ADGRF5: variants seen among roughly 807,000 people sequenced by gnomAD.
ADGRF5 encodes the protein G-protein coupled receptor 116.
In ADGRF5, 75 loss-of-function variants were observed where a neutral mutation model predicts 132.3. That is an observed-to-expected ratio of 0.57 (90% CI 0.47 to 0.69). The LOEUF (loss-of-function observed/expected upper bound fraction) is 0.69. Among genes scored for constraint, ADGRF5 ranks in the 30% least tolerant of loss-of-function variants. The pLI is 0.00. For synonymous variants in ADGRF5, 629 were observed against 597.6 expected (o/e 1.05, Z -0.77); for missense variants, 1,516 against 1,630.6 (o/e 0.93, Z 1.21).
At chr6:46,866,281 T>A (rs1226149781) in intron 13 of ADGRF5, among the ~76,000 whole-genome samples, 1 of 146,738 alleles carries the variant, frequency 6.8e-6, no homozygotes, top group African/African-American at 2.5e-5. Flanking sequence ...AGGTCTCAAC[T>A]CTGGCAGATG....
rs113672203 is a variant in ADGRF5, at chr6:46,859,056, G to T, written c.2847C>A (p.Gly949=). 4 of 1,614,068 alleles carry T rather than the reference G, an allele frequency of 2.5e-6. No individual in the cohort carries two copies. The highest frequency in any genetic ancestry group is 1.1e-5 in the South Asian group (1 of 91,076). The change falls in exon 17 of 21, where the codon GGC becomes GGA. Residue 949 remains glycine (G), a synonymous_variant. Transcript: ENST00000283296. The part of the protein sequence containing the change: ...SMTFKNNSPS[G]GETKCVFWNF... ...TCCAGAAGACACACTTCGTTTCGCC[G>T]CCTGAAGGGCTATTGTTCTTAAAAG...
chr6:46,906,026 G>T (rs1294586802), intron 2 of ADGRF5, among the ~76,000 whole-genome samples: 1 of 152,144 alleles, frequency 6.6e-6, no homozygotes, highest in African/African-American at 2.4e-5. Context: ...TCTGGTGCAG[G>T]GAGAAGCTAA....
chr6:46,877,303 C>CCTTCCTTCCTTCCT lies in ADGRF5; in HGVS notation c.1240+898_1240+899insAGGAAGGAAGGAAG, dbSNP rs1388865911. On this transcript the variant is annotated intron_variant, in intron 10 of 20. Transcript: ENST00000283296. ...TCTTTCTTTCTTTCTCTCTCTCTCT[C>CCTTCCTTCCTTCCT]TCTTTCCTTCCTTCCTTCCTTCTTT... Among the ~76,000 whole-genome samples the CCTTCCTTCCTTCCT allele has an allele frequency of 5.7e-4, 40 of 70,244 alleles. 1 individual carries two copies. The highest frequency in any genetic ancestry group is 2.1e-3 in the African/African-American group (37 of 17,346). 46.1% of individuals were successfully genotyped at this position (70,244 alleles called of 152,430 possible).
intron 12 of ADGRF5, among the ~76,000 whole-genome samples, chr6:46,867,702 T>C (rs1160433729): frequency 6.6e-6 from 1 of 152,174 alleles, no homozygotes; most frequent in Non-Finnish European, 1.5e-5. Flanking sequence ...TTCTTTACAT[T>C]GCTTCCCTTT....
At chr6:46,888,994 C>T (rs1481604776) in intron 3 of ADGRF5, among the ~76,000 whole-genome samples, 1 of 151,978 alleles carries the variant, frequency 6.6e-6, no homozygotes, top group Non-Finnish European at 1.5e-5. Context: ...GAACTGGACA[C>T]TGCTTTTGTT....
Position 46,882,092 on chromosome 6 carries a change from C to T in ADGRF5, c.628G>A (p.Gly210Arg), listed in dbSNP as rs147874364. ...ACGCCCTTGAAGCCTGGTAAAATTCCGTAACCCTTCCGGAACTGAAAAATA... is the reference window on the plus strand; with the variant it reads ...ACGCCCTTGAAGCCTGGTAAAATTCTGTAACCCTTCCGGAACTGAAAAATA... The part of the protein sequence containing the change: ...DLETAFRKGY[G>R]ILPGFKGVTV... The change falls in exon 7 of 21, where the codon GGA becomes AGA. Residue 210 changes from glycine to arginine, a missense_variant. Gly to Arg is a moderately radical substitution (Grantham distance 125). This residue lies in a region of ADGRF5 where 945 missense variants were observed against 929.4 expected (regional missense o/e 1.02). Transcript: ENST00000283296. The T allele has an allele frequency of 4.8e-4, 769 of 1,610,806 alleles. 4 individuals carry two copies. The African/African-American group carries it at 9.1e-3, about 19-fold the overall frequency.
At chr6:46,896,698 A>T (rs924233128) in intron 3 of ADGRF5, among the ~76,000 whole-genome samples, 6 of 151,772 alleles carry the variant, frequency 4.0e-5, no homozygotes, top group African/African-American at 1.5e-4. Flanking sequence ...CATATGTGAT[A>T]CATATATATG....
At chr6:46,908,878 A>C (rs114630072) in intron 1 of ADGRF5, 24 of 152,256 alleles carry the variant, frequency 1.6e-4, no homozygotes, top group African/African-American at 5.8e-4. Flanking sequence ...AAGAAAGGAG[A>C]AAGCCACCAC....
intron 20 of ADGRF5, chr6:46,854,642 G>A (rs1432922111): frequency 1.2e-6 from 1 of 820,036 alleles, no homozygotes; most frequent in Non-Finnish European, 1.8e-6. Flanking sequence ...TCTGCGGGGA[G>A]GTGGGGACTG....
At chr6:46,943,327 T>G (rs1778169921) in intron 1 of ADGRF5, among the ~76,000 whole-genome samples, 1 of 152,244 alleles carries the variant, frequency 6.6e-6, no homozygotes, top group Non-Finnish European at 1.5e-5. Flanking sequence ...ATTTTTATTT[T>G]TTAAATCTTA....
intron 9 of ADGRF5, among the ~76,000 whole-genome samples, chr6:46,879,171 A>G (rs971222184): frequency 6.6e-6 from 1 of 151,614 alleles, no homozygotes; most frequent in South Asian, 2.1e-4. Flanking sequence ...AATTAAATTA[A>G]TAATAAAGTA....
At chr6:46,939,454 T>C (rs1336387490) in intron 1 of ADGRF5, among the ~76,000 whole-genome samples, 1 of 152,180 alleles carries the variant, frequency 6.6e-6, no homozygotes, top group Non-Finnish European at 1.5e-5. Context: ...TTAGTATATG[T>C]GACTTCAACT....
intron 1 of ADGRF5, among the ~76,000 whole-genome samples, chr6:46,937,511 C>A (rs1460140557): frequency 6.6e-6 from 1 of 152,116 alleles, no homozygotes; most frequent in Non-Finnish European, 1.5e-5. Context: ...ACACAGTGGT[C>A]CCTGATTATC....
At chr6:46,910,643 C>G (rs373966694) in intron 1 of ADGRF5, among the ~76,000 whole-genome samples, 14 of 151,862 alleles carry the variant, frequency 9.2e-5, no homozygotes, top group African/African-American at 3.4e-4. Flanking sequence ...GCAGTCTATT[C>G]TCCTGAGAAC....
chr6:46,950,564 G>T (rs1778460761), intron 1 of ADGRF5, among the ~76,000 whole-genome samples: 1 of 152,216 alleles, frequency 6.6e-6, no homozygotes, highest in East Asian at 1.9e-4. Flanking sequence ...CGCCAGGCTG[G>T]AGTGCAGTGG....
At chr6:46,854,736 C>T in intron 20 of ADGRF5, 1 of 1,286,892 alleles carries the variant, frequency 7.8e-7, no homozygotes. Context: ...TGAACTGCCA[C>T]CGCTAACAAG....
At chr6:46,920,911 A>C (rs960271408) in intron 1 of ADGRF5, among the ~76,000 whole-genome samples, 2 of 152,208 alleles carry the variant, frequency 1.3e-5, no homozygotes, top group Non-Finnish European at 2.9e-5. Context: ...TTCTTTTACG[A>C]TAAGAATATA....
intron 20 of ADGRF5, among the ~76,000 whole-genome samples, chr6:46,855,444 T>G (rs1768932936): frequency 6.6e-6 from 1 of 152,234 alleles, no homozygotes; most frequent in Non-Finnish European, 1.5e-5. Flanking sequence ...TCTAATAGAA[T>G]AGCTAACTTG....
chr6:46,883,508 G>A, intron 6 of ADGRF5, 51 bp downstream of exon 6: 1 of 880,598 alleles, frequency 1.1e-6, no homozygotes, highest in Non-Finnish European at 1.9e-6. Context: ...AATAGACTCA[G>A]TTCAGTCCAA....
Sources: allele counts gnomAD v4.1 joint callset (sites outside exome capture counted in the v4.1 genomes callset), GRCh38; gene constraint gnomAD v4.1.1; regional missense constraint gnomAD v4.1.1; transcripts MANE v1.5; gene names NCBI Gene and HGNC (gene_info 2026-07-23, HGNC 2026-07-21).